The following EXOC6 variants were observed in gnomAD, a reference collection of about 807,000 sequenced individuals.
EXOC6 encodes SEC15-like 1.
A neutral mutation model predicts 112.5 loss-of-function variants in EXOC6; 60 were observed. The observed-to-expected ratio is 0.53, with a 90% CI of 0.43 to 0.66. The LOEUF (loss-of-function observed/expected upper bound fraction) is 0.66, where lower values mean the gene tolerates loss of function less well. Ranked by LOEUF, EXOC6 falls within the 30% of genes least tolerant of loss-of-function variation. EXOC6 has a pLI of 0.00. For synonymous variants in EXOC6, 295 were observed against 308.0 expected, an observed-to-expected ratio of 0.96 and a Z score of 0.44; for missense variants, 855 against 957.1, an observed-to-expected ratio of 0.89 and a Z score of 1.41.
At chr10:92,929,509 T>C (rs867477645) in intron 9 of EXOC6, among the ~76,000 whole-genome samples, 32 of 152,126 alleles carry the variant, frequency 2.1e-4, no homozygotes, top group Middle Eastern at 3.2e-3. Context: ...TCGTAAGAAA[T>C]ATTAACAACA....
At chr10:92,841,800 T>A (rs1846863292) in intron 1 of EXOC6, among the ~76,000 whole-genome samples, 3 of 152,364 alleles carry the variant, frequency 2.0e-5, no homozygotes, top group Middle Eastern at 3.4e-3. Context: ...TCTGCCTTTA[T>A]AATTACTAAT....
At chr10:93,049,341 G>A (rs887336470) in intron 20 of EXOC6, among the ~76,000 whole-genome samples, 1 of 152,202 alleles carries the variant, frequency 6.6e-6, no homozygotes, top group Admixed American at 6.5e-5. Context: ...GATTACAGGC[G>A]TGAGCCACCG....
At chr10:92,858,582 G>C (rs1847741695) in intron 1 of EXOC6, among the ~76,000 whole-genome samples, 1 of 151,876 alleles carries the variant, frequency 6.6e-6, no homozygotes, top group African/African-American at 2.4e-5. Flanking sequence ...TTCAACTCTG[G>C]AATTTCCAAT....
At chr10:93,018,515 G>A (rs1844643517) in intron 20 of EXOC6, among the ~76,000 whole-genome samples, 1 of 151,794 alleles carries the variant, frequency 6.6e-6, no homozygotes, top group South Asian at 2.1e-4. Flanking sequence ...CCTCATCCAT[G>A]CTCCTACCCT....
chr10:92,833,469 C>T (rs1198056020), upstream of EXOC6, among the ~76,000 whole-genome samples: 3 of 152,192 alleles, frequency 2.0e-5, no homozygotes, highest in Admixed American at 6.5e-5. Context: ...ATGTATATCA[C>T]TGGCCAGCAG....
rs35262709 is a variant in EXOC6, at chr10:92,966,281, AATT to A, written c.1774-7745_1774-7743del. ...CGTGGTCTAGAAAGCATGTAATTAT[AATT>A]ATTATTATTATTATTATTATTATTA... On this transcript the variant is annotated intron_variant, in intron 17 of 21. Transcript: ENST00000260762. 9.8e-3 allele frequency among the ~76,000 whole-genome samples: 1,327 copies of A among 134,890 alleles called. 9 individuals carry two copies. Among genetic ancestry groups the A allele is most frequent in the Non-Finnish European group, 0.013 (840 of 64,846 alleles). The allele number at this position is 134,890 out of a possible 152,430, so 88.5% of individuals were successfully genotyped here. A position where few individuals can be genotyped will look rare whatever the true frequency, so the allele number is the denominator to read the frequency against.
chr10:92,839,654 C>T (rs1299120246), intron 1 of EXOC6, among the ~76,000 whole-genome samples: 2 of 152,116 alleles, frequency 1.3e-5, no homozygotes, highest in African/African-American at 4.8e-5. Context: ...GCCTGGGGCT[C>T]GTGATGCCCC....
chr10:93,004,268 T>C (rs1227879183), intron 19 of EXOC6, among the ~76,000 whole-genome samples: 2 of 152,164 alleles, frequency 1.3e-5, no homozygotes, highest in Non-Finnish European at 2.9e-5. Context: ...ACATAGAAGA[T>C]TTGAAATTGC....
intron 7 of EXOC6, among the ~76,000 whole-genome samples, chr10:92,916,362 T>C (rs1190786828): frequency 6.6e-6 from 1 of 151,964 alleles, no homozygotes; most frequent in African/African-American, 2.4e-5. Context: ...ATATAAAAAT[T>C]AGCTGGGCAT....
chr10:92,871,896 A>G (rs1330339456), intron 1 of EXOC6, among the ~76,000 whole-genome samples: 1 of 152,016 alleles, frequency 6.6e-6, no homozygotes, highest in East Asian at 1.9e-4. Context: ...TATTTTTTGT[A>G]TTTAAATTTA....
rs137978091 is a variant in EXOC6 at position 92,950,283 on chromosome 10, A to G, written c.1416+1904A>G. ...AAACTATTAGAAAATATATAAAACT[A>G]TCAAATAACTTGAGTTATTTTCAAC... is the stretch of plus-strand genomic sequence containing the variant. On this transcript the variant is annotated intron_variant, in intron 14 of 21. Coordinates refer to ENST00000260762, the MANE Select transcript of EXOC6 (RefSeq NM_019053.6). Among the ~76,000 whole-genome samples the G allele has an allele frequency of 3.3e-3, 496 of 152,278 alleles. 8 individuals carry two copies. The highest frequency in any genetic ancestry group is 6.8e-4 in the Non-Finnish European group (46 of 68,020).
intron 19 of EXOC6, among the ~76,000 whole-genome samples, chr10:92,998,333 T>C (rs1325564726): frequency 3.9e-5 from 6 of 152,172 alleles, no homozygotes; most frequent in Non-Finnish European, 7.3e-5. Context: ...TGAAAATCCC[T>C]GGTTGACAAT....
At chr10:92,918,312 A>G (rs1851225528) in intron 7 of EXOC6, among the ~76,000 whole-genome samples, 1 of 152,128 alleles carries the variant, frequency 6.6e-6, no homozygotes. Flanking sequence ...TTTTCTAAGG[A>G]CATAATTGGG....
chr10:93,006,576 A>G (rs951559465), intron 19 of EXOC6, among the ~76,000 whole-genome samples: 3 of 152,210 alleles, frequency 2.0e-5, no homozygotes, highest in Admixed American at 6.5e-5. Context: ...AAATACATCT[A>G]AAAGCCAAGA....
chr10:93,022,514 C>G (rs1844834487), intron 20 of EXOC6, among the ~76,000 whole-genome samples: 1 of 152,100 alleles, frequency 6.6e-6, no homozygotes, highest in African/African-American at 2.4e-5. Flanking sequence ...TAATCATACT[C>G]TTCTTGGACT....
intron 5 of EXOC6, chr10:92,900,897 C>G (rs149633525): frequency 6.6e-6 from 1 of 152,104 alleles, no homozygotes; most frequent in African/African-American, 2.4e-5. Flanking sequence ...AAATGTCTTA[C>G]GTCTTTTTCC....
chr10:92,831,315 G>A (rs1362485442), upstream of EXOC6: 1 of 1,288,952 alleles, frequency 7.8e-7, no homozygotes, highest in Admixed American at 2.3e-5. Flanking sequence ...TACCGGAAGA[G>A]GATGAATGTG....
intron 11 of EXOC6, among the ~76,000 whole-genome samples, chr10:92,935,461 T>G (rs1394110426): frequency 6.6e-6 from 1 of 152,084 alleles, no homozygotes; most frequent in Non-Finnish European, 1.5e-5. Flanking sequence ...AATTCTTATA[T>G]TGGAAAAAGT....
chr10:92,974,952 A>G (rs1489933981), intron 18 of EXOC6, among the ~76,000 whole-genome samples: 16 of 152,174 alleles, frequency 1.1e-4, no homozygotes, highest in Admixed American at 2.6e-4. Context: ...TTGGCCTCCC[A>G]AAGTGCCGAG....
Sources: allele counts gnomAD v4.1 joint callset (sites outside exome capture counted in the v4.1 genomes callset), GRCh38; gene constraint gnomAD v4.1.1; transcripts MANE v1.5; gene names NCBI Gene and HGNC (gene_info 2026-07-23, HGNC 2026-07-21).